SORCS1: variants seen among roughly 807,000 people sequenced by gnomAD.
The protein encoded by SORCS1 is VPS10 domain-containing receptor SorCS1.
A neutral mutation model predicts 146.1 loss-of-function variants in SORCS1; 60 were observed. The ratio of observed to expected loss-of-function variants is 0.41; its 90% CI spans 0.33 to 0.51. The LOEUF (loss-of-function observed/expected upper bound fraction) is 0.51. SORCS1 is among the 20% of genes least tolerant of loss of function. The probability of loss-of-function intolerance (pLI) is 0.21; values close to 1 mark genes in which losing one functional copy is unlikely to be tolerated. For missense variants in SORCS1, 1,352 were observed against 1,487.6 expected, an observed-to-expected ratio of 0.91 and a Z score of 1.50; for synonymous variants, 637 against 584.0, an observed-to-expected ratio of 1.09 and a Z score of -1.31.
At chr10:106,690,881 G>A (rs1443273248) in intron 9 of SORCS1, among the ~76,000 whole-genome samples, 4 of 152,030 alleles carry the variant, frequency 2.6e-5, no homozygotes, top group African/African-American at 7.2e-5. Flanking sequence ...TGTGTCTCAC[G>A]GAAACCCCTA....
chr10:106,704,285 C>G (rs1402019565), intron 8 of SORCS1, among the ~76,000 whole-genome samples: 1 of 152,100 alleles, frequency 6.6e-6, no homozygotes, highest in Admixed American at 6.5e-5. Flanking sequence ...TATTAATTTA[C>G]TAAGAAAGTA....
chr10:106,868,958 A>G (rs574154895), intron 2 of SORCS1, among the ~76,000 whole-genome samples: 29 of 152,272 alleles, frequency 1.9e-4, no homozygotes, highest in African/African-American at 6.7e-4. Flanking sequence ...ACTAATAAAG[A>G]TGAAAGGAGA....
chr10:106,698,084 C>A (rs753201525), intron 9 of SORCS1, among the ~76,000 whole-genome samples: 14 of 152,118 alleles, frequency 9.2e-5, no homozygotes, highest in Non-Finnish European at 1.8e-4. Context: ...ATTACAAATA[C>A]CTGGGCTCTA....
rs561979096 is a variant in SORCS1 at position 106,984,708 on chromosome 10, TAA to T, written c.559-28130_559-28129del. ...GCACCTGGCCTACCATTCTTAATTG[TAA>T]AAGTTACTATTATCACCACCATTCA... On this transcript the variant is annotated intron_variant, in intron 1 of 25. Transcript: ENST00000263054. Among the ~76,000 whole-genome samples, 56 of 152,190 alleles carry T rather than the reference TAA, an allele frequency of 3.7e-4. 1 individual carries two copies. The South Asian group carries it at 0.012, about 32-fold the overall frequency.
chr10:106,705,887 T>A (rs1267169033), intron 8 of SORCS1, among the ~76,000 whole-genome samples: 1 of 152,258 alleles, frequency 6.6e-6, no homozygotes, highest in East Asian at 1.9e-4. Flanking sequence ...TTTGGGGAAG[T>A]CTAAAAAATT....
chr10:106,601,676 A>G (rs77886712), intron 23 of SORCS1, among the ~76,000 whole-genome samples: 3,893 of 152,308 alleles, frequency 0.026, 136 homozygotes, highest in East Asian at 0.19. Flanking sequence ...TTTTGCTCAC[A>G]TGTCATATCC....
intron 1 of SORCS1, among the ~76,000 whole-genome samples, chr10:107,100,035 G>C (rs1481529201): frequency 2.4e-4 from 36 of 152,200 alleles, no homozygotes. Context: ...GTCTGTTCCT[G>C]AGAAGCTGCA....
At chr10:106,898,341 C>A (rs527988131) in intron 2 of SORCS1, among the ~76,000 whole-genome samples, 48 of 152,350 alleles carry the variant, frequency 3.2e-4, no homozygotes, top group Non-Finnish European at 6.2e-4. Flanking sequence ...CACCCTCCCA[C>A]CTAATTAGAT....
At chr10:106,922,960 C>G (rs1197267607) in intron 2 of SORCS1, among the ~76,000 whole-genome samples, 3 of 150,300 alleles carry the variant, frequency 2.0e-5, no homozygotes, top group African/African-American at 7.4e-5. Flanking sequence ...GCAATCTCAG[C>G]TCACTGGAAC....
chr10:106,783,370 G>C (rs1225661410), intron 3 of SORCS1, among the ~76,000 whole-genome samples: 1 of 152,216 alleles, frequency 6.6e-6, no homozygotes, highest in Non-Finnish European at 1.5e-5. Context: ...GCCCTGCAGA[G>C]ATTCGTGTGA....
chr10:106,682,581 T>C (rs2135575740), intron 10 of SORCS1, among the ~76,000 whole-genome samples: 1 of 152,360 alleles, frequency 6.6e-6, no homozygotes, highest in East Asian at 1.9e-4. Flanking sequence ...GTATATTTTA[T>C]TATAATGCTT....
intron 2 of SORCS1, among the ~76,000 whole-genome samples, chr10:106,857,481 G>A (rs1349184030): frequency 6.6e-6 from 1 of 152,142 alleles, no homozygotes; most frequent in Non-Finnish European, 1.5e-5. Flanking sequence ...CAGCTGCAGC[G>A]TCTGTGTTTT....
intron 2 of SORCS1, among the ~76,000 whole-genome samples, chr10:106,886,039 A>G (rs1453431095): frequency 6.6e-6 from 1 of 152,160 alleles, no homozygotes; most frequent in African/African-American, 2.4e-5. Flanking sequence ...AGGTGAGCGG[A>G]TCACCTGAGG....
chr10:106,613,720 T>C (rs1847166549), intron 21 of SORCS1, among the ~76,000 whole-genome samples: 1 of 152,154 alleles, frequency 6.6e-6, no homozygotes, highest in African/African-American at 2.4e-5. Flanking sequence ...TGCCTCCACA[T>C]TGCATTTAGT....
chr10:107,081,574 T>C (rs1010514141), intron 1 of SORCS1, among the ~76,000 whole-genome samples: 17 of 152,202 alleles, frequency 1.1e-4, no homozygotes, highest in Admixed American at 1.0e-3. Context: ...ATTCTCTCCT[T>C]ATTCAGAAAA....
At chr10:106,598,178 T>C (rs1050016680) in intron 23 of SORCS1, among the ~76,000 whole-genome samples, 4 of 151,608 alleles carry the variant, frequency 2.6e-5, no homozygotes, top group African/African-American at 9.7e-5. Flanking sequence ...CCATTTGCTG[T>C]GTCCTTTATA....
At chr10:106,968,773 C>G (rs143919156) in intron 1 of SORCS1, among the ~76,000 whole-genome samples, 1 of 152,210 alleles carries the variant, frequency 6.6e-6, no homozygotes, top group African/African-American at 2.4e-5. Flanking sequence ...ATTATCTCCT[C>G]TCATTTACCA....
In SORCS1 at chr10:106,776,660, G is replaced by A; in HGVS notation, c.759C>T (p.Ser253=). ...CTTCATCTGAGCTGATCAATAAACT[G>A]CTCTCAATCTCCGGGTCTGTGAGTA... ...IMLLTDPEIE[S]SLLISSDEGA... The change falls in exon 4 of 26, where the codon AGC becomes AGT. Residue 253 remains serine, a synonymous_variant. Coordinates refer to ENST00000263054, the MANE Select transcript of SORCS1 (RefSeq NM_052918.5). 6.2e-7 allele frequency: 1 copy of A among 1,613,876 alleles called. No homozygotes were observed. The highest frequency in any genetic ancestry group is 1.7e-4 in the Middle Eastern group (1 of 6,060).
chr10:106,816,065 C>A (rs1589459305), intron 3 of SORCS1, among the ~76,000 whole-genome samples: 1 of 152,084 alleles, frequency 6.6e-6, no homozygotes, highest in African/African-American at 2.4e-5. Context: ...CCATTTCTAC[C>A]AAAATAATTT....
Sources: gnomAD v4.1 joint callset for allele counts (sites outside exome capture counted in the v4.1 genomes callset) on GRCh38, gnomAD v4.1.1 for gene constraint, MANE v1.5 for transcripts, NCBI Gene and HGNC (gene_info 2026-07-23, HGNC 2026-07-21) for gene names.